ICA1L: variants seen among roughly 807,000 people sequenced by gnomAD.
The protein encoded by ICA1L is islet cell autoantigen 1-like protein.
Under a neutral mutation model 61.3 loss-of-function variants are expected in ICA1L, and 50 were observed. That is an observed-to-expected ratio of 0.82 (90% CI 0.65 to 1.03). The LOEUF (loss-of-function observed/expected upper bound fraction) is 1.03, where lower values mean the gene tolerates loss of function less well. ICA1L is among the 50% of genes least tolerant of loss of function. The pLI is 0.00. For missense variants in ICA1L, 508 were observed against 556.7 expected (o/e 0.91, Z 0.88); for synonymous variants, 161 against 191.3 (o/e 0.84, Z 1.31).
At chr2:202,801,098 G>T (rs1402040874) in intron 9 of ICA1L, among the ~76,000 whole-genome samples, 1 of 152,208 alleles carries the variant, frequency 6.6e-6, no homozygotes, top group East Asian at 1.9e-4. Flanking sequence ...GAATAATCCT[G>T]GTTGTGGGGA....
chr2:202,862,738 G>T (rs567385240), intron 1 of ICA1L, among the ~76,000 whole-genome samples: 4 of 152,068 alleles, frequency 2.6e-5, no homozygotes, highest in Admixed American at 2.0e-4. Context: ...TCGGGAGGCT[G>T]AGGCAGGAGA....
intron 1 of ICA1L, among the ~76,000 whole-genome samples, chr2:202,848,341 A>C (rs1694523095): frequency 6.6e-6 from 1 of 152,220 alleles, no homozygotes; most frequent in South Asian, 2.1e-4. Flanking sequence ...AAAAACAGCA[A>C]TTGCATGGGA....
At chr2:202,824,356 C>T (rs545735999) in intron 3 of ICA1L, among the ~76,000 whole-genome samples, 74 of 151,808 alleles carry the variant, frequency 4.9e-4, no homozygotes, top group African/African-American at 1.7e-3. Context: ...GCCAAGATCA[C>T]GCCACTGCAC....
intron 1 of ICA1L, among the ~76,000 whole-genome samples, chr2:202,867,167 AAT>A (rs1246817071): frequency 6.6e-6 from 1 of 152,228 alleles, no homozygotes; most frequent in African/African-American, 2.4e-5. Flanking sequence ...CCGTGTTCTG[AAT>A]ATATGAAGAA....
intron 9 of ICA1L, among the ~76,000 whole-genome samples, chr2:202,811,390 C>T (rs1693373496): frequency 6.6e-6 from 1 of 152,000 alleles, no homozygotes; most frequent in South Asian, 2.1e-4. Context: ...CGCGGTGGCT[C>T]ACACCTGTAT....
intron 10 of ICA1L, 102 bp from the exon 11 acceptor site, chr2:202,789,189 T>C (rs963134713): frequency 2.4e-5 from 23 of 958,450 alleles, no homozygotes; most frequent in Admixed American, 5.3e-5. Context: ...CATACTGTAT[T>C]AACATAATTT....
At chr2:202,830,680 C>T (rs1693994420) in intron 1 of ICA1L, among the ~76,000 whole-genome samples, 1 of 152,106 alleles carries the variant, frequency 6.6e-6, no homozygotes. Context: ...AATAGAGGTT[C>T]ACTTTCTTTT....
At chr2:202,855,422 A>G (rs1033863701) in intron 1 of ICA1L, among the ~76,000 whole-genome samples, 5 of 152,148 alleles carry the variant, frequency 3.3e-5, no homozygotes, top group Admixed American at 3.3e-4. Flanking sequence ...AAAAGAAACA[A>G]ATAGACACAA....
intron 1 of ICA1L, among the ~76,000 whole-genome samples, chr2:202,867,936 T>C (rs1157922942): frequency 6.6e-6 from 1 of 152,134 alleles, no homozygotes; most frequent in South Asian, 2.1e-4. Flanking sequence ...GGCCAAAAAT[T>C]AGAATATCTA....
At chr2:202,826,481 C>CT (rs1290679734) in intron 2 of ICA1L, among the ~76,000 whole-genome samples, 5 of 151,678 alleles carry the variant, frequency 3.3e-5, no homozygotes, top group South Asian at 2.1e-4. Context: ...ACAATGAGGA[C>CT]TTTTTTTTGA....
intron 7 of ICA1L, among the ~76,000 whole-genome samples, chr2:202,815,210 C>G (rs1399516507): frequency 1.3e-5 from 2 of 152,138 alleles, no homozygotes; most frequent in African/African-American, 2.4e-5. Context: ...AAAAACAAAA[C>G]AAAAAACAAC....
intron 1 of ICA1L, among the ~76,000 whole-genome samples, chr2:202,836,279 A>G (rs1179014004): frequency 1.3e-5 from 2 of 152,122 alleles, no homozygotes; most frequent in African/African-American, 2.4e-5. Context: ...ATAATTATAA[A>G]GTTTTTGTCC....
intron 9 of ICA1L, among the ~76,000 whole-genome samples, chr2:202,801,282 T>C (rs968768970): frequency 2.0e-5 from 3 of 152,218 alleles, no homozygotes; most frequent in African/African-American, 7.2e-5. Flanking sequence ...TCAGTAATGA[T>C]CTGCTTTACC....
chr2:202,797,073 C>G (rs1379468095), intron 9 of ICA1L, 109 bp from the exon 10 acceptor site: 2 of 547,214 alleles, frequency 3.7e-6, no homozygotes. Context: ...AAATCAGAAT[C>G]GAAAACATAC....
chr2:202,863,226 AG>A (rs2105890994), intron 1 of ICA1L, among the ~76,000 whole-genome samples: 1 of 152,240 alleles, frequency 6.6e-6, no homozygotes, highest in Non-Finnish European at 1.5e-5. Flanking sequence ...CGGGAGGCGG[AG>A]GTTGCAATGA....
rs1473624046 is a variant in ICA1L, at chr2:202,779,014, C to G, written c.*519G>C. 6.6e-6 allele frequency: 1 copy of G among 152,388 alleles called. No homozygotes were observed. Among genetic ancestry groups the G allele is most frequent in the Admixed American group, 6.5e-5 (1 of 15,274 alleles). The allele number at this position is 152,388 out of a possible 1,614,324, so 9.4% of individuals were successfully genotyped here. A position where few individuals can be genotyped will look rare whatever the true frequency, so the allele number is the denominator to read the frequency against. On this transcript the variant is annotated 3_prime_UTR_variant, in exon 13 of 13. Transcript: ENST00000358299. ...ACTGAGTTCTCAAATCTTACTCTCT[C>G]TAACCCAAAACAAAGCTGGTCTGGT...
At chr2:202,781,822 T>C (rs1229487949) in intron 12 of ICA1L, among the ~76,000 whole-genome samples, 1 of 152,148 alleles carries the variant, frequency 6.6e-6, no homozygotes, top group Non-Finnish European at 1.5e-5. Context: ...ATGTTAAATT[T>C]TAGTAGAAAC....
chr2:202,792,449 A>G (rs779739956), intron 10 of ICA1L, among the ~76,000 whole-genome samples: 5 of 152,192 alleles, frequency 3.3e-5, no homozygotes, highest in African/African-American at 7.2e-5. Flanking sequence ...ATGTCCATCA[A>G]CTGGTAAATA....
chr2:202,812,209 A>G (rs2105843934), intron 8 of ICA1L, among the ~76,000 whole-genome samples: 1 of 152,372 alleles, frequency 6.6e-6, no homozygotes, highest in Non-Finnish European at 1.5e-5. Flanking sequence ...AAGACACGTT[A>G]GCCTAAAATA....
Sources: gnomAD v4.1 joint callset for allele counts (sites outside exome capture counted in the v4.1 genomes callset) on GRCh38, gnomAD v4.1.1 for gene constraint, MANE v1.5 for transcripts, NCBI Gene and HGNC (gene_info 2026-07-23, HGNC 2026-07-21) for gene names.